Variants in DAP3 observed in about 807,000 individuals in gnomAD.
DAP3 encodes death associated protein 3.
DAP3 carries 28 observed loss-of-function variants against 51.9 expected under a neutral mutation model. That is an observed-to-expected ratio of 0.54 (90% CI 0.40 to 0.74). The LOEUF is 0.74. Among genes scored for constraint, DAP3 ranks in the 30% least tolerant of loss-of-function variants. The pLI is 0.00. For missense variants in DAP3, 458 were observed against 483.5 expected (o/e 0.95, Z 0.49); for synonymous variants, 170 against 170.3 (o/e 1.00, Z 0.01).
At chr1:155,697,233 T>C (rs990206467) in intron 1 of DAP3, among the ~76,000 whole-genome samples, 1 of 152,142 alleles carries the variant, frequency 6.6e-6, no homozygotes, top group Non-Finnish European at 1.5e-5. Flanking sequence ...TGCGGCAAGC[T>C]GAGTTTCAGG....
chr1:155,716,835 TACTC>T (rs1657392756), intron 2 of DAP3, among the ~76,000 whole-genome samples, 167 bp from the exon 3 acceptor site: 1 of 151,570 alleles, frequency 6.6e-6, no homozygotes, highest in Non-Finnish European at 1.5e-5. Flanking sequence ...TAATCCCAGT[TACTC>T]AGGAAGCTGA....
At chr1:155,724,407 G>C in intron 4 of DAP3, among the ~76,000 whole-genome samples, 1 of 151,728 alleles carries the variant, frequency 6.6e-6, no homozygotes, top group East Asian at 1.9e-4. Flanking sequence ...AGGCTGAGAC[G>C]GGTGGATCAT....
upstream of DAP3, chr1:155,688,775 A>G: frequency 2.0e-6 from 3 of 1,529,430 alleles, no homozygotes; most frequent in Non-Finnish European, 2.6e-6. Flanking sequence ...CCCACCCTAC[A>G]CTCCTCGCGC....
intron 9 of DAP3, among the ~76,000 whole-genome samples, chr1:155,729,896 A>C (rs1412048428): frequency 6.6e-6 from 1 of 152,002 alleles, no homozygotes. Context: ...AGCCTGACCA[A>C]CATGGAGAAA....
chr1:155,704,847 C>G (rs771110058), intron 1 of DAP3, among the ~76,000 whole-genome samples: 2 of 152,030 alleles, frequency 1.3e-5, no homozygotes. Flanking sequence ...GGCGTGGTGG[C>G]GGGCGCCTGT....
intron 7 of DAP3, among the ~76,000 whole-genome samples, 180 bp from the exon 8 acceptor site, chr1:155,728,859 CAAA>C (rs34650481): frequency 8.1e-5 from 11 of 136,284 alleles, no homozygotes; most frequent in Non-Finnish European, 8.1e-5. Flanking sequence ...GAAGCTGTCT[CAAA>C]AAAAAAAAAA....
At chr1:155,729,635 C>A (rs545410717) in intron 9 of DAP3, among the ~76,000 whole-genome samples, 1 of 151,982 alleles carries the variant, frequency 6.6e-6, no homozygotes, top group African/African-American at 2.4e-5. Flanking sequence ...AGAAATTAGC[C>A]GGTAGCTGGC....
At chr1:155,711,365 C>T (rs1174945583) in intron 2 of DAP3, among the ~76,000 whole-genome samples, 6 of 151,992 alleles carry the variant, frequency 3.9e-5, no homozygotes, top group African/African-American at 7.2e-5. Flanking sequence ...TGGTGGCACA[C>T]GCCTGTAATC....
At chr1:155,691,405 C>T (rs1174225073) in intron 1 of DAP3, among the ~76,000 whole-genome samples, 1 of 142,106 alleles carries the variant, frequency 7.0e-6, no homozygotes, top group Non-Finnish European at 1.5e-5. Context: ...GAAGGTTCAT[C>T]CAGTTGTGTA....
chr1:155,731,269 A>T, intron 9 of DAP3, 87 bp from the exon 10 acceptor site: 2 of 1,459,140 alleles, frequency 1.4e-6, no homozygotes, highest in Middle Eastern at 3.5e-4. Flanking sequence ...TCTGTCAAAA[A>T]AAAAAAAAAA....
intron 4 of DAP3, among the ~76,000 whole-genome samples, chr1:155,724,302 T>G (rs1278621234): frequency 1.3e-5 from 2 of 152,072 alleles, no homozygotes; most frequent in African/African-American, 4.8e-5. Flanking sequence ...CGCCATGTAT[T>G]TAGTTCTAGA....
At chr1:155,704,739 G>T (rs1558343684) in intron 1 of DAP3, among the ~76,000 whole-genome samples, 1 of 152,122 alleles carries the variant, frequency 6.6e-6, no homozygotes, top group Admixed American at 6.6e-5. Flanking sequence ...CAATACTTTG[G>T]GGGGCTGAGG....
upstream of DAP3, chr1:155,688,294 T>G (rs2666826): frequency 6.4e-7 from 1 of 1,573,052 alleles, no homozygotes; most frequent in Non-Finnish European, 8.6e-7. Flanking sequence ...CTGGGATCGT[T>G]TCCCCTCGCA....
intron 1 of DAP3, among the ~76,000 whole-genome samples, chr1:155,693,975 GA>G (rs540511951): frequency 7.2e-5 from 10 of 139,188 alleles, no homozygotes; most frequent in Non-Finnish European, 8.9e-5. Context: ...AAAAAAGAAA[GA>G]AAAAAAAAGA....
intron 1 of DAP3, among the ~76,000 whole-genome samples, chr1:155,694,183 C>G (rs1654224679): frequency 7.1e-6 from 1 of 141,024 alleles, no homozygotes; most frequent in Non-Finnish European, 1.5e-5. Context: ...TTGTCCGTAG[C>G]CTTTTAGGCA....
chr1:155,688,269 A>G (rs114089731), upstream of DAP3: 1,049 of 1,597,372 alleles, frequency 6.6e-4, 5 homozygotes, highest in African/African-American at 0.012. Context: ...GAGGAGGCGG[A>G]TCCCGCAACC....
At position 155,717,112 on chromosome 1, in the gene DAP3, C is replaced by T. The variant is rs1319635829; in HGVS notation, c.152C>T (p.Thr51Ile). Reference protein sequence around the residue: ...PVESPRAISRTNENDPAKHGD... With the variant: ...PVESPRAISRINENDPAKHGD... ...GAGAGTCCGAGAGCTATTTCCCGCACCAATGAGAATGACCCGGTGAGTTAC... is the reference window on the plus strand; with the variant it reads ...GAGAGTCCGAGAGCTATTTCCCGCATCAATGAGAATGACCCGGTGAGTTAC... Residue 51 changes from threonine (T) to isoleucine (I), a missense_variant, in exon 3 of 13, where the codon ACC becomes ATC. Physicochemically the swap from Thr to Ile is moderately conservative, Grantham distance 89. Transcript: ENST00000368336. The T allele has an allele frequency of 6.2e-7, 1 of 1,614,080 alleles. No homozygotes were observed.
At chr1:155,736,548 C>T in intron 11 of DAP3, 1 of 234,046 alleles carries the variant, frequency 4.3e-6, no homozygotes, top group South Asian at 5.6e-5. Flanking sequence ...TCCCGAGTAC[C>T]TGGGGCTAGA....
chr1:155,691,628 A>C (rs1026601632), intron 1 of DAP3, among the ~76,000 whole-genome samples: 1 of 141,686 alleles, frequency 7.1e-6, no homozygotes, highest in Non-Finnish European at 1.5e-5. Flanking sequence ...TTCATATGGT[A>C]ACTCCATGTT....
Sources: allele counts gnomAD v4.1 joint callset (sites outside exome capture counted in the v4.1 genomes callset), GRCh38; gene constraint gnomAD v4.1.1; transcripts MANE v1.5; gene names NCBI Gene and HGNC (gene_info 2026-07-23, HGNC 2026-07-21).